Variants in ARHGEF33 observed in about 807,000 individuals in gnomAD.
ARHGEF33 encodes the protein Rho guanine nucleotide exchange factor 33, also known as DH and coiled-coil domain-containing protein ENSP00000381780.
A neutral mutation model predicts 101.9 loss-of-function variants in ARHGEF33; 72 were observed. The ratio of observed to expected loss-of-function variants is 0.71; its 90% CI spans 0.58 to 0.86. The LOEUF (loss-of-function observed/expected upper bound fraction) is 0.86, where lower values mean the gene tolerates loss of function less well. Among genes scored for constraint, ARHGEF33 ranks in the 40% least tolerant of loss-of-function variants. The pLI is 0.00. For missense variants in ARHGEF33, 1,169 were observed against 1,111.3 expected (o/e 1.05, Z -0.74); for synonymous variants, 499 against 442.5 (o/e 1.13, Z -1.60).
At chr2:38,902,402 A>G (rs954360767) in intron 2 of ARHGEF33, among the ~76,000 whole-genome samples, 1 of 152,212 alleles carries the variant, frequency 6.6e-6, no homozygotes, top group Non-Finnish European at 1.5e-5. Flanking sequence ...CACCATATGT[A>G]TATAAGAAAT....
At position 38,960,552 on chromosome 2, in the gene ARHGEF33, G is replaced by GGCCGCC. The variant is rs746974243; in HGVS notation, c.2255_2260dup (p.Ala752_Ala753dup). 9 of 1,273,056 alleles carry GGCCGCC rather than the reference G, an allele frequency of 7.1e-6. No homozygotes were observed. Among genetic ancestry groups the GGCCGCC allele is most frequent in the South Asian group, 2.0e-5 (1 of 49,764 alleles). 78.9% of individuals were successfully genotyped at this position (1,273,056 alleles called of 1,614,324 possible). A position where few individuals can be genotyped will look rare whatever the true frequency, so the allele number is the denominator to read the frequency against. ...AGCGCGCCGCGCAGGCGCACGGCCC[G>GGCCGCC]GCCGCCGCCGCCGTCGCCGCCCGCG... On this transcript the variant is annotated inframe_insertion, in exon 16 of 18. Coordinates refer to ENST00000409978, the MANE Select transcript of ARHGEF33 (RefSeq NM_001145451.5).
At chr2:38,893,220 T>G (rs946274214) in intron 1 of ARHGEF33, among the ~76,000 whole-genome samples, 1 of 151,534 alleles carries the variant, frequency 6.6e-6, no homozygotes, top group Non-Finnish European at 1.5e-5. Context: ...TGGAGTGCAG[T>G]GGCACAGTCT....
At chr2:38,940,256 A>G (rs1425887480) in intron 9 of ARHGEF33, among the ~76,000 whole-genome samples, 1 of 152,070 alleles carries the variant, frequency 6.6e-6, no homozygotes, top group African/African-American at 2.4e-5. Flanking sequence ...AAACTTTACT[A>G]TTTACATCAT....
chr2:38,968,195 A>G (rs1254437829), intron 17 of ARHGEF33, among the ~76,000 whole-genome samples: 1 of 152,082 alleles, frequency 6.6e-6, no homozygotes, highest in African/African-American at 2.4e-5. Flanking sequence ...GCTAAGAGGA[A>G]GAATTTCCTA....
chr2:38,944,118 C>G, intron 10 of ARHGEF33, 88 bp downstream of exon 10: 1 of 1,357,916 alleles, frequency 7.4e-7, no homozygotes. Flanking sequence ...ATTTCTGGGG[C>G]CTATGAAGAG....
chr2:38,904,983 A>G (rs1666355810), intron 2 of ARHGEF33, among the ~76,000 whole-genome samples: 1 of 152,186 alleles, frequency 6.6e-6, no homozygotes, highest in African/African-American at 2.4e-5. Flanking sequence ...TTTTAGGATG[A>G]GAGGCGATCA....
chr2:38,898,723 A>C (rs1666175041), intron 2 of ARHGEF33, among the ~76,000 whole-genome samples: 1 of 152,238 alleles, frequency 6.6e-6, no homozygotes, highest in South Asian at 2.1e-4. Context: ...CACTGGCTTC[A>C]TAAAGTCTCA....
intron 4 of ARHGEF33, among the ~76,000 whole-genome samples, chr2:38,924,363 G>A (rs927426234): frequency 2.6e-5 from 4 of 151,944 alleles, no homozygotes; most frequent in African/African-American, 9.7e-5. Flanking sequence ...TCTCAAAGTC[G>A]TTGAATCAGA....
Position 38,949,074 on chromosome 2 carries a change from C to G in ARHGEF33, c.921-1915C>G, listed in dbSNP as rs144479533. On this transcript the variant is annotated intron_variant, in intron 10 of 17. Coordinates refer to ENST00000409978, the MANE Select transcript of ARHGEF33 (RefSeq NM_001145451.5). Reference sequence around the variant, plus strand: ...ATCCTTTCATAGGGGGCTAGGTACCCTATTCTCGTGTTTGTGTGTCTCCTC... The same window carrying G: ...ATCCTTTCATAGGGGGCTAGGTACCGTATTCTCGTGTTTGTGTGTCTCCTC... Among the ~76,000 whole-genome samples, 600 of 152,216 alleles carry G rather than the reference C, an allele frequency of 3.9e-3. 2 individuals carry two copies. Among genetic ancestry groups the G allele is most frequent in the Non-Finnish European group, 6.9e-3 (471 of 68,020 alleles).
In ARHGEF33 at chr2:38,928,896, G is replaced by A. The variant is rs768829714; in HGVS notation, c.76-11G>A. ...CCAGCAAATTGAATTAACTTTTCAT[G>A]CATTATTTAGTTGCAGGCCCTAGCC... On this transcript the variant is annotated splice_polypyrimidine_tract_variant and intron_variant, in intron 4 of 17. Transcript: ENST00000409978. 16 of 1,539,258 alleles carry A rather than the reference G, an allele frequency of 1.0e-5. No homozygotes were observed. The South Asian group carries it at 1.8e-4, about 18-fold the overall frequency.
intron 2 of ARHGEF33, among the ~76,000 whole-genome samples, chr2:38,908,624 A>G (rs1666444774): frequency 6.6e-6 from 1 of 152,110 alleles, no homozygotes; most frequent in Non-Finnish European, 1.5e-5. Flanking sequence ...GATCTTTGTT[A>G]TTTCACTTCT....
chr2:38,944,568 G>A (rs528700615), intron 10 of ARHGEF33, among the ~76,000 whole-genome samples: 18 of 152,236 alleles, frequency 1.2e-4, no homozygotes, highest in African/African-American at 4.3e-4. Context: ...GGAACCCCTG[G>A]CAAGTCTTAA....
At position 38,973,888 on chromosome 2, in the gene ARHGEF33, A is replaced by G. The variant is rs1358560405; in HGVS notation, c.*45A>G. ...TGTCAAGTGGTAAGATGAGGATAAAAAGCTTGTATATATCTGTGTAGGAAT... is the reference window on the plus strand; with the variant it reads ...TGTCAAGTGGTAAGATGAGGATAAAGAGCTTGTATATATCTGTGTAGGAAT... On this transcript the variant is annotated 3_prime_UTR_variant, in exon 18 of 18. Coordinates refer to ENST00000409978, the MANE Select transcript of ARHGEF33 (RefSeq NM_001145451.5). The G allele has an allele frequency of 4.1e-6, 6 of 1,478,314 alleles. No individual in the cohort carries two copies. The African/African-American group carries it at 4.3e-5, about 10-fold the overall frequency. 91.6% of individuals were successfully genotyped at this position (1,478,314 alleles called of 1,614,324 possible).
At chr2:38,970,349 T>C (rs1668139306) in intron 17 of ARHGEF33, among the ~76,000 whole-genome samples, 1 of 152,230 alleles carries the variant, frequency 6.6e-6, no homozygotes, top group Admixed American at 6.5e-5. Context: ...CAGCTTCAGC[T>C]GTTGAACAGA....
chr2:38,891,134 A>T (rs994559111), intron 1 of ARHGEF33, among the ~76,000 whole-genome samples: 3 of 151,996 alleles, frequency 2.0e-5, no homozygotes, highest in African/African-American at 7.3e-5. Context: ...GGGTTTCGTC[A>T]TGTTGCTCAG....
intron 2 of ARHGEF33, among the ~76,000 whole-genome samples, chr2:38,911,518 G>A (rs977663044): frequency 5.9e-5 from 9 of 152,102 alleles, no homozygotes; most frequent in Non-Finnish European, 7.4e-5. Context: ...GAGGGTACAC[G>A]TTCTAGGTCA....
intron 2 of ARHGEF33, among the ~76,000 whole-genome samples, chr2:38,896,969 G>A (rs1666135763): frequency 6.6e-6 from 1 of 152,066 alleles, no homozygotes; most frequent in Admixed American, 6.5e-5. Context: ...AGGCTGGAGT[G>A]CAGTGGCACG....
Position 38,960,225 on chromosome 2 carries a change from C to T in ARHGEF33, c.1920C>T (p.Phe640=), listed in dbSNP as rs1280423450. ...AGCCGTTCCAGGCTCCGGCCCTCTT[C>T]GAGAACTGCTCGCCTGCCTCCTCCG... ...DEEPFQAPAL[F]ENCSPASSES... Residue 640 remains phenylalanine, a synonymous_variant, in exon 16 of 18, where the codon TTC becomes TTT. Coordinates refer to ENST00000409978, the MANE Select transcript of ARHGEF33 (RefSeq NM_001145451.5). 1 of 1,547,656 alleles carries T rather than the reference C, an allele frequency of 6.5e-7. No homozygotes were observed.
chr2:38,892,241 G>T (rs1453442358), intron 1 of ARHGEF33, among the ~76,000 whole-genome samples: 4 of 152,158 alleles, frequency 2.6e-5, no homozygotes, highest in Admixed American at 2.6e-4. Flanking sequence ...GGCAATGCCA[G>T]CCCTTTCCAC....
Sources: gnomAD v4.1 joint callset for allele counts (sites outside exome capture counted in the v4.1 genomes callset) on GRCh38, gnomAD v4.1.1 for gene constraint, MANE v1.5 for transcripts, NCBI Gene and HGNC (gene_info 2026-07-23, HGNC 2026-07-21) for gene names.